The following FOXP2 variants were observed in gnomAD, a reference collection of about 807,000 sequenced individuals.
The protein encoded by FOXP2 is forkhead box protein P2.
In FOXP2, 12 loss-of-function variants were observed where a neutral mutation model predicts 115.8. That is an observed-to-expected ratio of 0.10 (90% CI 0.07 to 0.17). The LOEUF is 0.17. FOXP2 is among the 10% of genes least tolerant of loss of function. FOXP2 has a pLI of 1.00. For missense variants in FOXP2, 629 were observed against 843.5 expected (o/e 0.75, Z 3.15); for synonymous variants, 328 against 297.7 (o/e 1.10, Z -1.05).
intron 3 of FOXP2, among the ~76,000 whole-genome samples, chr7:114,613,541 G>A (rs946731974): frequency 5.3e-5 from 8 of 151,824 alleles, no homozygotes; most frequent in Admixed American, 2.0e-4. Flanking sequence ...CAGGCGTGGT[G>A]GCAGGTGCCT....
At position 114,691,971 on chromosome 7, in the gene FOXP2, C is replaced by T. The variant is rs528748360; in HGVS notation, c.*2045C>T. The stretch of plus-strand genomic sequence containing the variant: ...AAAAAAAAAAAGAAAAACATTAGAA[C>T]AATTATGGCAGATTGCATGAAACGT... On this transcript the variant is annotated 3_prime_UTR_variant, in exon 17 of 17. Coordinates refer to ENST00000350908, the MANE Select transcript of FOXP2 (RefSeq NM_014491.4). The T allele has an allele frequency of 5.4e-6, 2 of 370,348 alleles. No individual in the cohort carries two copies. Among genetic ancestry groups the T allele is most frequent in the African/African-American group, 4.6e-5 (2 of 43,314 alleles). The allele number at this position is 370,348 out of a possible 1,614,324, so 22.9% of individuals were successfully genotyped here.
intron 2 of FOXP2, among the ~76,000 whole-genome samples, chr7:114,357,746 T>G (rs550538300): frequency 6.6e-6 from 1 of 152,328 alleles, no homozygotes; most frequent in South Asian, 2.1e-4. Context: ...GATACTTGGA[T>G]GCCTACTTTG....
intron 3 of FOXP2, among the ~76,000 whole-genome samples, chr7:114,568,950 T>C (rs1801157145): frequency 6.6e-6 from 1 of 151,966 alleles, no homozygotes; most frequent in African/African-American, 2.4e-5. Flanking sequence ...ACACAAATTA[T>C]GATATTTTAT....
chr7:114,394,652 G>A (rs973434582), intron 2 of FOXP2, among the ~76,000 whole-genome samples: 8 of 152,010 alleles, frequency 5.3e-5, no homozygotes, highest in Admixed American at 2.6e-4. Context: ...TGAGAAAAAC[G>A]AGCATCACCT....
intron 1 of FOXP2, among the ~76,000 whole-genome samples, chr7:114,267,505 G>T (rs763223844): frequency 6.6e-6 from 1 of 151,884 alleles, no homozygotes; most frequent in Middle Eastern, 3.2e-3. Context: ...AAGGCAAGCA[G>T]ATCACGAGTT....
intron 1 of FOXP2, among the ~76,000 whole-genome samples, chr7:114,092,681 T>C (rs1799566980): frequency 6.6e-6 from 1 of 152,124 alleles, no homozygotes; most frequent in Admixed American, 6.5e-5. Flanking sequence ...TTAACATATG[T>C]AGACTGTCAT....
intron 1 of FOXP2, among the ~76,000 whole-genome samples, chr7:114,273,657 G>A (rs1371787422): frequency 6.6e-6 from 1 of 151,966 alleles, no homozygotes; most frequent in Non-Finnish European, 1.5e-5. Flanking sequence ...ATTAAGGATT[G>A]TTGTCTTCTT....
chr7:114,384,545 G>T (rs911277287), intron 2 of FOXP2, among the ~76,000 whole-genome samples: 2 of 152,100 alleles, frequency 1.3e-5, no homozygotes, highest in African/African-American at 4.8e-5. Context: ...TCACCTGGGA[G>T]GAACCATCTA....
chr7:114,466,097 C>T (rs1011524428), intron 2 of FOXP2, among the ~76,000 whole-genome samples: 12 of 152,168 alleles, frequency 7.9e-5, no homozygotes, highest in African/African-American at 2.9e-4. Context: ...TCCTAGATCT[C>T]AGCTTACTTT....
At chr7:114,089,506 G>T (rs1204099149) in intron 1 of FOXP2, among the ~76,000 whole-genome samples, 2 of 151,906 alleles carry the variant, frequency 1.3e-5, no homozygotes, top group African/African-American at 2.4e-5. Flanking sequence ...CTCATATTTT[G>T]GGATATTGTT....
At chr7:114,532,273 A>G (rs1307656076) in intron 2 of FOXP2, among the ~76,000 whole-genome samples, 3 of 151,930 alleles carry the variant, frequency 2.0e-5, no homozygotes, top group African/African-American at 7.2e-5. Flanking sequence ...AACAGTATAT[A>G]TTGTGTGATA....
chr7:114,658,284 C>T lies in FOXP2; in HGVS notation c.1468+17C>T. ...TGTCATCAGGTAGGATATGAATGCT[C>T]AGTAGAGCACTTTTACTTTGGGAGA... On this transcript the variant is annotated intron_variant, in intron 11 of 16. Transcript: ENST00000350908. 14 of 1,612,452 alleles carry T rather than the reference C, an allele frequency of 8.7e-6. No individual in the cohort carries two copies. The highest frequency in any genetic ancestry group is 1.2e-5 in the Non-Finnish European group (14 of 1,178,984).
At chr7:114,509,823 A>T (rs1430695118) in intron 2 of FOXP2, among the ~76,000 whole-genome samples, 1 of 152,070 alleles carries the variant, frequency 6.6e-6, no homozygotes, top group African/African-American at 2.4e-5. Flanking sequence ...ATGAGTTGTC[A>T]GCATATAGAT....
intron 2 of FOXP2, among the ~76,000 whole-genome samples, chr7:114,336,972 G>A (rs913776655): frequency 6.6e-6 from 1 of 151,376 alleles, no homozygotes; most frequent in Non-Finnish European, 1.5e-5. Context: ...ATGCTGTCAG[G>A]TGTTCTTTTA....
intron 2 of FOXP2, among the ~76,000 whole-genome samples, chr7:114,525,822 C>A (rs932638350): frequency 6.6e-6 from 1 of 151,936 alleles, no homozygotes; most frequent in Non-Finnish European, 1.5e-5. Flanking sequence ...TTAAAACTTA[C>A]GATTTTTGGC....
chr7:114,390,153 A>T (rs916623136), intron 2 of FOXP2, among the ~76,000 whole-genome samples: 15 of 152,166 alleles, frequency 9.9e-5, no homozygotes, highest in Admixed American at 9.2e-4. Flanking sequence ...AAAATTTTTT[A>T]AAAAGCATGT....
intron 2 of FOXP2, among the ~76,000 whole-genome samples, chr7:114,347,170 C>T (rs1791367399): frequency 6.6e-6 from 1 of 151,814 alleles, no homozygotes; most frequent in Non-Finnish European, 1.5e-5. Context: ...ACATAATTAA[C>T]ATTAAGGTCA....
intron 1 of FOXP2, among the ~76,000 whole-genome samples, chr7:114,252,119 C>T (rs1445051499): frequency 2.0e-5 from 3 of 152,138 alleles, no homozygotes; most frequent in Admixed American, 6.5e-5. Context: ...GTTGAACCAG[C>T]CTTGCATCCC....
intron 1 of FOXP2, among the ~76,000 whole-genome samples, chr7:114,179,704 T>C (rs1279702849): frequency 6.6e-6 from 1 of 151,994 alleles, no homozygotes; most frequent in Non-Finnish European, 1.5e-5. Flanking sequence ...TTTAAGGCTA[T>C]ACTTGAAGGA....
Sources: allele counts gnomAD v4.1 joint callset (sites outside exome capture counted in the v4.1 genomes callset), GRCh38; gene constraint gnomAD v4.1.1; transcripts MANE v1.5; gene names NCBI Gene and HGNC (gene_info 2026-07-23, HGNC 2026-07-21).